The following SOX6 variants were observed in gnomAD, a reference collection of about 807,000 sequenced individuals.
SOX6 encodes the protein transcription factor SOX-6.
A neutral mutation model predicts 97.8 loss-of-function variants in SOX6; 11 were observed. The ratio of observed to expected loss-of-function variants is 0.11; its 90% CI spans 0.07 to 0.19. SOX6 has a LOEUF of 0.19. Among genes scored for constraint, SOX6 ranks in the 10% least tolerant of loss-of-function variants. The pLI is 1.00. For missense variants in SOX6, 810 were observed against 1,039.5 expected, an observed-to-expected ratio of 0.78 and a Z score of 3.04; for synonymous variants, 360 against 371.4, an observed-to-expected ratio of 0.97 and a Z score of 0.35.
intron 4 of SOX6, among the ~76,000 whole-genome samples, chr11:16,201,735 G>A (rs1590023146): frequency 7.2e-6 from 1 of 138,820 alleles, no homozygotes. Context: ...CCGGGTTCAC[G>A]CCATTCTCCT....
At chr11:16,426,551 TGG>T (rs1365713675) in intron 1 of SOX6, among the ~76,000 whole-genome samples, 1 of 151,960 alleles carries the variant, frequency 6.6e-6, no homozygotes, top group Non-Finnish European at 1.5e-5. Flanking sequence ...AAACAAGCAA[TGG>T]GGAAAGGATT....
chr11:16,226,883 C>T (rs185493203), intron 4 of SOX6, among the ~76,000 whole-genome samples: 3 of 152,146 alleles, frequency 2.0e-5, no homozygotes, highest in Non-Finnish European at 2.9e-5. Context: ...TTGTGGGTTG[C>T]GGGAGGGAGG....
chr11:16,695,608 G>A (rs1848047446), intron 3 of SOX6, among the ~76,000 whole-genome samples: 1 of 152,168 alleles, frequency 6.6e-6, no homozygotes, highest in Non-Finnish European at 1.5e-5. Flanking sequence ...CCCCTTCAAG[G>A]AGTTTGTGTT....
chr11:16,173,583 T>G (rs1851098798), intron 6 of SOX6, among the ~76,000 whole-genome samples: 1 of 145,286 alleles, frequency 6.9e-6, no homozygotes, highest in South Asian at 2.2e-4. Flanking sequence ...TTTTTTGTTT[T>G]TTTTTTTTAA....
chr11:16,161,315 GATATAT>G (rs58290065), intron 6 of SOX6, among the ~76,000 whole-genome samples: 8 of 143,886 alleles, frequency 5.6e-5, no homozygotes, highest in African/African-American at 2.0e-4. Flanking sequence ...CAATGAATTT[GATATAT>G]ATATATATAT....
At chr11:16,706,449 C>CCAAAAAAAAA (rs1848132938) in intron 3 of SOX6, among the ~76,000 whole-genome samples, 3 of 2,450 alleles carry the variant, frequency 1.2e-3, no homozygotes, top group African/African-American at 4.8e-3. Flanking sequence ...GAACCTATCA[C>CCAAAAAAAAA]AAAAAAAAAA....
intron 1 of SOX6, among the ~76,000 whole-genome samples, chr11:16,436,510 G>A (rs1859378975): frequency 6.6e-6 from 1 of 151,922 alleles, no homozygotes; most frequent in South Asian, 2.1e-4. Context: ...TCTTTTTTGA[G>A]TTCCCTACTC....
intron 6 of SOX6, among the ~76,000 whole-genome samples, chr11:16,121,186 T>C (rs1210928862): frequency 6.6e-6 from 1 of 152,080 alleles, no homozygotes; most frequent in Non-Finnish European, 1.5e-5. Context: ...TTCTTATTCA[T>C]TTGTACATGT....
At chr11:16,454,297 T>C (rs1565151141) in intron 1 of SOX6, among the ~76,000 whole-genome samples, 1 of 152,106 alleles carries the variant, frequency 6.6e-6, no homozygotes, top group Non-Finnish European at 1.5e-5. Flanking sequence ...AAAGCAGTTA[T>C]GCAACTTGTA....
intron 1 of SOX6, among the ~76,000 whole-genome samples, chr11:16,342,883 T>A (rs1856675488): frequency 6.6e-6 from 1 of 151,838 alleles, no homozygotes; most frequent in African/African-American, 2.4e-5. Flanking sequence ...ATAATCATTC[T>A]ACAAGTAACA....
At chr11:16,111,782 G>A (rs867017306) in intron 7 of SOX6, 21 bp downstream of exon 7, 1 of 1,612,818 alleles carries the variant, frequency 6.2e-7, no homozygotes, top group Middle Eastern at 1.9e-4. Context: ...GGAAAAGAAT[G>A]TTAAATCCCT....
intron 2 of SOX6, among the ~76,000 whole-genome samples, chr11:16,325,747 G>A (rs1004222164): frequency 6.6e-6 from 1 of 152,116 alleles, no homozygotes; most frequent in Non-Finnish European, 1.5e-5. Flanking sequence ...TGGTTTGAAT[G>A]TACGTCCCCC....
At chr11:16,548,902 T>C (rs1229498486) in intron 4 of SOX6, among the ~76,000 whole-genome samples, 1 of 152,032 alleles carries the variant, frequency 6.6e-6, no homozygotes, top group Non-Finnish European at 1.5e-5. Flanking sequence ...CCATAACGTA[T>C]ACATATTTCA....
At chr11:16,157,563 T>C (rs992344791) in intron 6 of SOX6, among the ~76,000 whole-genome samples, 2 of 151,974 alleles carry the variant, frequency 1.3e-5, no homozygotes, top group Non-Finnish European at 2.9e-5. Flanking sequence ...ACATACCAAA[T>C]AGATATTCTC....
intron 4 of SOX6, among the ~76,000 whole-genome samples, chr11:16,562,111 T>C (rs1280372822): frequency 6.6e-6 from 1 of 152,170 alleles, no homozygotes; most frequent in Non-Finnish European, 1.5e-5. Flanking sequence ...TCCTCTGAAG[T>C]CTAACATGTT....
chr11:16,684,418 A>T (rs1337500912), intron 3 of SOX6, among the ~76,000 whole-genome samples: 1 of 152,212 alleles, frequency 6.6e-6, no homozygotes, highest in Non-Finnish European at 1.5e-5. Flanking sequence ...GGATGAGTTC[A>T]TGTCCTTTGT....
chr11:16,036,531 CTGGACTAGAGATAATG>C (rs1855524437), intron 12 of SOX6, among the ~76,000 whole-genome samples: 1 of 152,166 alleles, frequency 6.6e-6, no homozygotes, highest in Non-Finnish European at 1.5e-5. Context: ...ATCATCATCA[CTGGACTAGAGATAATG>C]TGGACGAGTT....
intron 4 of SOX6, among the ~76,000 whole-genome samples, chr11:16,565,892 C>T (rs1368467532): frequency 2.0e-5 from 3 of 151,928 alleles, no homozygotes; most frequent in Admixed American, 6.6e-5. Context: ...GTCAGGAGAT[C>T]GAGACCATCC....
intron 1 of SOX6, among the ~76,000 whole-genome samples, chr11:16,375,537 T>C (rs1435900885): frequency 1.3e-5 from 2 of 151,736 alleles, no homozygotes; most frequent in Non-Finnish European, 2.9e-5. Flanking sequence ...GTCCTGGTCC[T>C]AAAGAATTCA....
Sources: gnomAD v4.1 joint callset for allele counts (sites outside exome capture counted in the v4.1 genomes callset) on GRCh38, gnomAD v4.1.1 for gene constraint, MANE v1.5 for transcripts, NCBI Gene and HGNC (gene_info 2026-07-23, HGNC 2026-07-21) for gene names.